Variants in PITPNM2 observed in about 807,000 individuals in gnomAD.
PITPNM2 encodes phosphatidylinositol transfer protein membrane associated 2.
In PITPNM2, 35 loss-of-function variants were observed where a neutral mutation model predicts 132.2. That is an observed-to-expected ratio of 0.26 (90% CI 0.20 to 0.35). PITPNM2 has a LOEUF of 0.35. Ranked by LOEUF, PITPNM2 falls within the 10% of genes least tolerant of loss-of-function variation. The pLI, the probability that PITPNM2 is intolerant of heterozygous loss-of-function variation, is 1.00. For missense variants in PITPNM2, 1,332 were observed against 1,912.0 expected (o/e 0.70, Z 5.66); for synonymous variants, 738 against 799.2 (o/e 0.92, Z 1.29).
rs188663849 is a variant in PITPNM2 at position 123,134,609 on chromosome 12, G to A, written c.-200+16144C>T. Among the ~76,000 whole-genome samples the A allele has an allele frequency of 2.6e-4, 40 of 151,822 alleles. No homozygotes were observed. The East Asian group carries it at 6.8e-3, about 26-fold the overall frequency. On this transcript the variant is annotated intron_variant, in intron 1 of 25. Transcript: ENST00000320201. The stretch of plus-strand genomic sequence containing the variant: ...ACATGAAGTGTTCCTTCTTGGGTGC[G>A]CCCAGGACAGGTTTTCCCACTTACA...
chr12:123,037,005 C>T (rs1255605257), intron 2 of PITPNM2, among the ~76,000 whole-genome samples: 1 of 152,238 alleles, frequency 6.6e-6, no homozygotes, highest in Non-Finnish European at 1.5e-5. Flanking sequence ...AAGTTTAGGG[C>T]CTGAGGCCCT....
Position 123,005,307 on chromosome 12 carries a change from TAGGG to T in PITPNM2, c.881_884del (p.Pro294GlnfsTer110). The T allele has an allele frequency of 6.2e-7, 1 of 1,613,966 alleles. No homozygotes were observed. Among genetic ancestry groups the T allele is most frequent in the Non-Finnish European group, 8.5e-7 (1 of 1,179,984 alleles). On this transcript the variant is annotated frameshift_variant, in exon 7 of 26. Coordinates refer to ENST00000320201, the MANE Select transcript of PITPNM2 (RefSeq NM_020845.3). LOFTEE classifies it high-confidence loss of function. The surrounding 1 kb of genome is among the most constrained non-coding windows in gnomAD (Gnocchi z 6.2). ...ACTGTTTCTTGAGGCCGCGCCCCAC[TAGGG>T]GCTCCCCATTGCTGCTGCTGGGCTC... is the stretch of plus-strand genomic sequence containing the variant.
At position 122,990,717 on chromosome 12, in the gene PITPNM2, T is replaced by A; in HGVS notation, c.2405-8A>T. 3 of 1,593,986 alleles carry A rather than the reference T, an allele frequency of 1.9e-6. No individual in the cohort carries two copies. The highest frequency in any genetic ancestry group is 2.6e-6 in the Non-Finnish European group (3 of 1,169,502). ...GGGTCTGGAGCACATCCGCTGCAGG[T>A]GGACAGGGACCAGAGGCCAGGTAAG... On this transcript the variant is annotated splice_polypyrimidine_tract_variant and splice_region_variant and intron_variant, in intron 16 of 25. Coordinates refer to ENST00000320201, the MANE Select transcript of PITPNM2 (RefSeq NM_020845.3).
At position 122,994,782 on chromosome 12, in the gene PITPNM2, G is replaced by A; in HGVS notation, c.2233+19C>T. On this transcript the variant is annotated intron_variant, in intron 15 of 25. Coordinates refer to ENST00000320201, the MANE Select transcript of PITPNM2 (RefSeq NM_020845.3). The surrounding 1 kb of genome is among the most constrained non-coding windows in gnomAD (Gnocchi z 5.4). ...ACCCAGTGCATGTACCCCCCATCCT[G>A]CCCCTGCTGGGCTCTCACCATCCAG... 6.2e-7 allele frequency: 1 copy of A among 1,602,356 alleles called. No individual in the cohort carries two copies. Among genetic ancestry groups the A allele is most frequent in the Non-Finnish European group, 8.5e-7 (1 of 1,176,564 alleles).
chr12:123,122,365 G>C (rs1185644133), intron 1 of PITPNM2, among the ~76,000 whole-genome samples: 3 of 152,314 alleles, frequency 2.0e-5, no homozygotes, highest in Middle Eastern at 6.8e-3. Flanking sequence ...AGGAGGCTGA[G>C]GCAGGAGAAT....
At chr12:123,118,976 G>A (rs1195631846) in intron 1 of PITPNM2, among the ~76,000 whole-genome samples, 2 of 152,194 alleles carry the variant, frequency 1.3e-5, no homozygotes, top group Non-Finnish European at 2.9e-5. Flanking sequence ...TCACTCGGCT[G>A]TGTCCGTGTG....
chr12:123,025,464 G>A lies in PITPNM2; in HGVS notation c.78+9049C>T, dbSNP rs534115106. On this transcript the variant is annotated intron_variant, in intron 3 of 25. Transcript: ENST00000320201. ...TTTTTTTTTTTTGAGACAAAGTTTC[G>A]CTCTTCTTGCCCAGGCTGGGGTGCA... is the stretch of plus-strand genomic sequence containing the variant. Among the ~76,000 whole-genome samples the A allele has an allele frequency of 4.8e-3, 689 of 144,082 alleles. 8 individuals carry two copies. Among genetic ancestry groups the A allele is most frequent in the African/African-American group, 0.016 (606 of 38,396 alleles). The allele number at this position is 144,082 out of a possible 152,430, so 94.5% of individuals were successfully genotyped here.
At chr12:123,094,197 T>C (rs1323583093) in intron 2 of PITPNM2, among the ~76,000 whole-genome samples, 3 of 152,242 alleles carry the variant, frequency 2.0e-5, no homozygotes, top group Non-Finnish European at 4.4e-5. Context: ...ACTTGTCTTA[T>C]TTGAGCCTCA....
intron 3 of PITPNM2, among the ~76,000 whole-genome samples, chr12:123,032,347 C>T (rs555761015): frequency 3.9e-5 from 6 of 152,086 alleles, no homozygotes; most frequent in Non-Finnish European, 5.9e-5. Context: ...TGTGGTGGCG[C>T]GTGCCTGTAA....
chr12:122,983,508 A>C lies in PITPNM2; in HGVS notation c.*2519T>G, dbSNP rs1403341650. 1 of 152,724 alleles carries C rather than the reference A, an allele frequency of 6.5e-6. No homozygotes were observed. Among genetic ancestry groups the C allele is most frequent in the Non-Finnish European group, 1.5e-5 (1 of 68,170 alleles). 9.5% of individuals were successfully genotyped at this position (152,724 alleles called of 1,614,324 possible). On this transcript the variant is annotated 3_prime_UTR_variant, in exon 26 of 26. Coordinates refer to ENST00000320201, the MANE Select transcript of PITPNM2 (RefSeq NM_020845.3). ...GCCTTCCCGCTTCTTTAATTGGTGTAACAGACATGACGTTGTATACAGAGC... is the reference window on the plus strand; with the variant it reads ...GCCTTCCCGCTTCTTTAATTGGTGTCACAGACATGACGTTGTATACAGAGC...
chr12:123,125,862 G>A (rs61955227), intron 1 of PITPNM2, among the ~76,000 whole-genome samples: 1 of 83,944 alleles, frequency 1.2e-5, no homozygotes, highest in Middle Eastern at 6.0e-3. Context: ...AAAAAAATTA[G>A]GGTTTTTTTT....
intron 2 of PITPNM2, chr12:123,089,591 A>G (rs2042205687): frequency 6.6e-6 from 1 of 152,242 alleles, no homozygotes; most frequent in African/African-American, 2.4e-5. Context: ...GGAAGAGAAC[A>G]GAATTTTTCC....
chr12:123,047,216 C>T (rs1463419116), intron 2 of PITPNM2, among the ~76,000 whole-genome samples: 1 of 152,210 alleles, frequency 6.6e-6, no homozygotes, highest in African/African-American at 2.4e-5. Flanking sequence ...TGCTTTAATG[C>T]TTTTTAATAA....
chr12:122,989,864 C>A lies in PITPNM2; in HGVS notation c.2654G>T (p.Gly885Val). 7.4e-7 allele frequency: 1 copy of A among 1,349,522 alleles called. No homozygotes were observed. The highest frequency in any genetic ancestry group is 9.6e-7 in the Non-Finnish European group (1 of 1,043,948). 83.6% of individuals were successfully genotyped at this position (1,349,522 alleles called of 1,614,324 possible). ...TGCCTTCCTGGCTGGAGGGTGGGGG[C>A]CAGGGGTGGTGGGGCTGGGGGCGGG... ...ALPAPSPTTP[G>V]PHPPARKASP... is the part of the protein sequence containing the mutation. The change falls in exon 18 of 26, where the codon GGC becomes GTC. Residue 885 changes from glycine to valine, a missense_variant. Around this residue, in one of 6 missense-constraint regions of PITPNM2, gnomAD observed 710 missense variants for 911.5 expected, o/e 0.78. Transcript: ENST00000320201.
chr12:123,012,492 C>T (rs1566246885), intron 5 of PITPNM2, 121 bp downstream of exon 5: 1 of 1,338,266 alleles, frequency 7.5e-7, no homozygotes. Context: ...TCTGACCTGC[C>T]TGCCCAGGAC....
intron 2 of PITPNM2, among the ~76,000 whole-genome samples, chr12:123,104,927 C>G (rs938203897): frequency 6.6e-6 from 1 of 152,154 alleles, no homozygotes; most frequent in African/African-American, 2.4e-5. Context: ...CCCTCTACTG[C>G]TCAAACATTT....
rs1468818873 is a variant in PITPNM2 at position 123,064,275 on chromosome 12, C to G, written c.-95-29590G>C. Among the ~76,000 whole-genome samples the G allele has an allele frequency of 6.6e-6, 1 of 152,224 alleles. No homozygotes were observed. The highest frequency in any genetic ancestry group is 2.4e-5 in the African/African-American group (1 of 41,452). Reference sequence around the variant, plus strand: ...ACCAAGAGAGCGACAGGGACTTGGTCAAGGTCATCGGGCAAGTCAGTAGCA... The same window carrying G: ...ACCAAGAGAGCGACAGGGACTTGGTGAAGGTCATCGGGCAAGTCAGTAGCA... On this transcript the variant is annotated intron_variant, in intron 2 of 25. Coordinates refer to ENST00000320201, the MANE Select transcript of PITPNM2 (RefSeq NM_020845.3). The surrounding 1 kb of genome is among the most constrained non-coding windows in gnomAD (Gnocchi z 4.0).
chr12:123,063,821 T>TA (rs1302083649), intron 2 of PITPNM2, among the ~76,000 whole-genome samples: 2 of 152,184 alleles, frequency 1.3e-5, no homozygotes, highest in Admixed American at 1.3e-4. Context: ...TTAAGGAAGT[T>TA]ACTTAAACTC....
chr12:123,035,666 C>CAA lies in PITPNM2; in HGVS notation c.-95-983_-95-982dup, dbSNP rs544250142. 3.1e-5 allele frequency among the ~76,000 whole-genome samples: 4 copies of CAA among 130,294 alleles called. 1 individual carries two copies. The highest frequency in any genetic ancestry group is 9.2e-5 in the African/African-American group (3 of 32,478). 85.5% of individuals were successfully genotyped at this position (130,294 alleles called of 152,430 possible). A position where few individuals can be genotyped will look rare whatever the true frequency, so the allele number is the denominator to read the frequency against. ...GGGGGACAAGAGTGAAACTCCGTCTCAAAAAAAAAAACAAAAACTTGGTGC... is the reference window on the plus strand; with the variant it reads ...GGGGGACAAGAGTGAAACTCCGTCTCAAAAAAAAAAAAACAAAAACTTGGTGC... On this transcript the variant is annotated intron_variant, in intron 2 of 25. Coordinates refer to ENST00000320201, the MANE Select transcript of PITPNM2 (RefSeq NM_020845.3).
Sources: gnomAD v4.1 joint callset for allele counts (sites outside exome capture counted in the v4.1 genomes callset) on GRCh38, gnomAD v4.1.1 for gene constraint, gnomAD v4.1.1 regional missense constraint, Gnocchi (gnomAD v3.1) non-coding constraint, MANE v1.5 for transcripts, NCBI Gene and HGNC (gene_info 2026-07-23, HGNC 2026-07-21) for gene names.